VIPR2: variants seen among roughly 807,000 people sequenced by gnomAD.
VIPR2 encodes the protein vasoactive intestinal peptide receptor 2.
In VIPR2, 48 loss-of-function variants were observed where a neutral mutation model predicts 58.0. That is an observed-to-expected ratio of 0.83 (90% confidence interval 0.66 to 1.05). The LOEUF is 1.05. Among genes scored for constraint, VIPR2 ranks in the 50% least tolerant of loss-of-function variants. VIPR2 has a pLI of 0.00. For synonymous variants in VIPR2, 243 were observed against 235.2 expected, an observed-to-expected ratio of 1.03 and a Z score of -0.30; for missense variants, 534 against 558.0, an observed-to-expected ratio of 0.96 and a Z score of 0.43.
chr7:159,129,141 GGGGGGACAGGGC>G (rs879465601), intron 2 of VIPR2, among the ~76,000 whole-genome samples: 3,057 of 108,074 alleles, frequency 0.028, 10 homozygotes, highest in Non-Finnish European at 0.031. Flanking sequence ...CTGGCCTCTG[GGGGGGACAGGGC>G]TGGGGGGACA....
intron 5 of VIPR2, among the ~76,000 whole-genome samples, chr7:159,055,902 G>T (rs957860001): frequency 2.0e-5 from 3 of 152,226 alleles, no homozygotes; most frequent in African/African-American, 7.2e-5. Flanking sequence ...GGAGGTAGTA[G>T]AAAGTGTGGC....
chr7:159,143,702 G>A (rs1242735451), intron 1 of VIPR2, among the ~76,000 whole-genome samples: 1 of 152,196 alleles, frequency 6.6e-6, no homozygotes, highest in South Asian at 2.1e-4. Context: ...TTATATTGAT[G>A]TAAAAAGAAA....
In VIPR2 at chr7:159,096,537, A is replaced by C. The variant is rs1857857163; in HGVS notation, c.357+7220T>G. 6.6e-6 allele frequency among the ~76,000 whole-genome samples: 1 copy of C among 152,228 alleles called. No homozygotes were observed. ...TAGCGGATTCCTTTAGAACTTAAAG[A>C]ACTTGGAGACCCAATCGCCATCCCC... is the stretch of plus-strand genomic sequence containing the variant. On this transcript the variant is annotated intron_variant, in intron 4 of 12. Transcript: ENST00000262178. The surrounding 1 kb of genome is among the most constrained non-coding windows in gnomAD (Gnocchi z 5.5).
intron 4 of VIPR2, among the ~76,000 whole-genome samples, chr7:159,061,348 GA>G (rs57425728): frequency 8.0e-5 from 11 of 136,922 alleles, no homozygotes; most frequent in African/African-American, 1.4e-4. Context: ...AATAAAAGTT[GA>G]AAAAAAAAAA....
chr7:159,140,605 AAT>A (rs1422757608), intron 2 of VIPR2, among the ~76,000 whole-genome samples: 2 of 152,246 alleles, frequency 1.3e-5, no homozygotes, highest in Non-Finnish European at 2.9e-5. Context: ...AAGAGCCTTC[AAT>A]ATGAGATGTC....
intron 5 of VIPR2, among the ~76,000 whole-genome samples, chr7:159,057,570 T>C (rs1221972212): frequency 6.6e-6 from 1 of 152,214 alleles, no homozygotes; most frequent in African/African-American, 2.4e-5. Context: ...CCATTTATCA[T>C]TGATTTTTAT....
intron 5 of VIPR2, 41 bp downstream of exon 5, chr7:159,058,440 G>C (rs1478064054): frequency 6.3e-7 from 1 of 1,575,614 alleles, no homozygotes; most frequent in East Asian, 2.2e-5. Flanking sequence ...AACTTTGCTT[G>C]TCTTGTATTC....
intron 8 of VIPR2, 72 bp downstream of exon 8, chr7:159,035,880 C>T (rs968168366): frequency 1.5e-5 from 23 of 1,565,810 alleles, no homozygotes; most frequent in Non-Finnish European, 1.9e-5. Context: ...AACCTTCTGG[C>T]TTCCAAAGGA....
intron 2 of VIPR2, among the ~76,000 whole-genome samples, chr7:159,130,715 G>A (rs765713745): frequency 3.3e-5 from 5 of 152,162 alleles, no homozygotes; most frequent in Admixed American, 6.5e-5. Flanking sequence ...CCGGCATCAC[G>A]TCAATTAAAT....
intron 6 of VIPR2, among the ~76,000 whole-genome samples, chr7:159,042,577 A>G (rs1316399042): frequency 2.0e-5 from 3 of 152,238 alleles, no homozygotes; most frequent in Non-Finnish European, 4.4e-5. Flanking sequence ...TGAGTTCACA[A>G]TCAGGCTTTA....
chr7:159,112,665 CTG>C (rs1796066762), intron 2 of VIPR2, among the ~76,000 whole-genome samples: 1 of 149,888 alleles, frequency 6.7e-6, no homozygotes, highest in African/African-American at 2.5e-5. Context: ...AGAGCCCCGA[CTG>C]TGAGGAGGCG....
Position 159,080,648 on chromosome 7 carries a change from C to T in VIPR2, c.358-22070G>A, listed in dbSNP as rs542509458. The stretch of plus-strand genomic sequence containing the variant: ...TCAGGCAGGAGAAGGAAATAAAGGG[C>T]ATCAATTAGGAAAAGAGGAAGTCAA... On this transcript the variant is annotated intron_variant, in intron 4 of 12. Transcript: ENST00000262178. Among the ~76,000 whole-genome samples the T allele has an allele frequency of 1.7e-3, 259 of 151,952 alleles. 1 individual carries two copies. Among genetic ancestry groups the T allele is most frequent in the African/African-American group, 5.9e-3 (243 of 41,436 alleles).
chr7:159,084,293 G>C (rs745701320), intron 4 of VIPR2, among the ~76,000 whole-genome samples: 1 of 152,354 alleles, frequency 6.6e-6, no homozygotes, highest in South Asian at 2.1e-4. Flanking sequence ...GAGAGTGCTC[G>C]GGGCAGGAAC....
intron 2 of VIPR2, among the ~76,000 whole-genome samples, chr7:159,139,982 C>A (rs1399954440): frequency 1.3e-5 from 2 of 152,222 alleles, no homozygotes; most frequent in Non-Finnish European, 2.9e-5. Context: ...GATGTTAAGT[C>A]ATACAGCTCC....
intron 3 of VIPR2, 142 bp downstream of exon 3, chr7:159,109,670 A>G (rs1795913261): frequency 1.2e-5 from 9 of 749,178 alleles, no homozygotes; most frequent in South Asian, 1.2e-4. Context: ...ACTCACCCCA[A>G]TATGCCACAG....
Position 159,096,731 on chromosome 7 carries a change from T to TA in VIPR2, c.357+7025_357+7026insT. The TA allele has an allele frequency of 7.2e-7, 1 of 1,386,814 alleles. No homozygotes were observed. Among genetic ancestry groups the TA allele is most frequent in the Non-Finnish European group, 9.4e-7 (1 of 1,065,284 alleles). 85.9% of individuals were successfully genotyped at this position (1,386,814 alleles called of 1,614,324 possible). ...CATAATCCTGTCTGGTTGTGCCAGG[T>TA]GACAGCTGAATGATTTCTGCCTGTG... On this transcript the variant is annotated intron_variant, in intron 4 of 12. Coordinates refer to ENST00000262178, the MANE Select transcript of VIPR2 (RefSeq NM_003382.5). This position sits in a 1 kb window ranked among gnomAD's most constrained non-coding sequence, Gnocchi z 5.5.
chr7:159,101,157 C>T (rs1263233205), intron 4 of VIPR2, among the ~76,000 whole-genome samples: 1 of 134,452 alleles, frequency 7.4e-6, no homozygotes, highest in Non-Finnish European at 1.6e-5. Context: ...TGAGATCCGA[C>T]GAGGCCGTTC....
rs574138792 is a variant in VIPR2 at position 159,043,255 on chromosome 7, A to G, written c.456-79T>C. 2.9e-5 allele frequency: 37 copies of G among 1,288,108 alleles called. No homozygotes were observed. The African/African-American group carries it at 4.9e-4, about 17-fold the overall frequency. The allele number at this position is 1,288,108 out of a possible 1,614,324, so 79.8% of individuals were successfully genotyped here. A position where few individuals can be genotyped will look rare whatever the true frequency, so the allele number is the denominator to read the frequency against. On this transcript the variant is annotated intron_variant, in intron 5 of 12. Coordinates refer to ENST00000262178, the MANE Select transcript of VIPR2 (RefSeq NM_003382.5). ...AGAGAGAACCAGACAGAGATGAGAA[A>G]CTCATACTATGATCAGAGAAGCACA...
intron 4 of VIPR2, among the ~76,000 whole-genome samples, chr7:159,062,091 C>T (rs1296904783): frequency 2.0e-5 from 3 of 152,170 alleles, no homozygotes; most frequent in Non-Finnish European, 4.4e-5. Context: ...CATGGGGCGC[C>T]GGCGGGTGTG....
Sources: gnomAD v4.1 joint callset for allele counts (sites outside exome capture counted in the v4.1 genomes callset) on GRCh38, gnomAD v4.1.1 for gene constraint, Gnocchi (gnomAD v3.1) non-coding constraint, MANE v1.5 for transcripts, NCBI Gene and HGNC (gene_info 2026-07-23, HGNC 2026-07-21) for gene names.